The following CAMK1D variants were observed in gnomAD, a reference collection of about 807,000 sequenced individuals.
CAMK1D encodes calcium/calmodulin dependent protein kinase ID.
CAMK1D carries 9 observed loss-of-function variants against 47.7 expected under a neutral mutation model. The observed-to-expected ratio is 0.19, with a 90% CI of 0.11 to 0.33. CAMK1D has a LOEUF of 0.33. Among genes scored for constraint, CAMK1D ranks in the 10% least tolerant of loss-of-function variants. The pLI, the probability that CAMK1D is intolerant of heterozygous loss-of-function variation, is 1.00. For missense variants in CAMK1D, 291 were observed against 488.7 expected (o/e 0.60, Z 3.81); for synonymous variants, 184 against 184.9 (o/e 0.99, Z 0.04).
intron 4 of CAMK1D, among the ~76,000 whole-genome samples, chr10:12,766,439 A>G (rs1478207113): frequency 6.8e-6 from 1 of 146,472 alleles, no homozygotes; most frequent in African/African-American, 2.6e-5. Context: ...CGTGGCTGAC[A>G]AAGAAAAGGG....
chr10:12,630,652 C>T (rs1839353934), intron 2 of CAMK1D, among the ~76,000 whole-genome samples: 1 of 152,098 alleles, frequency 6.6e-6, no homozygotes, highest in Admixed American at 6.6e-5. Flanking sequence ...TTCCTGGCCT[C>T]AAGTGATCCT....
At chr10:12,472,092 T>G (rs998271026) in intron 1 of CAMK1D, among the ~76,000 whole-genome samples, 7 of 152,102 alleles carry the variant, frequency 4.6e-5, no homozygotes, top group Non-Finnish European at 8.8e-5. Flanking sequence ...GTCTCTGAGT[T>G]TGACTTGATT....
chr10:12,740,197 G>C (rs1835369389), intron 3 of CAMK1D, among the ~76,000 whole-genome samples: 1 of 152,162 alleles, frequency 6.6e-6, no homozygotes, highest in South Asian at 2.1e-4. Flanking sequence ...GTAGCTGCGT[G>C]GAAAGGCACC....
chr10:12,447,574 C>T (rs1424117819), intron 1 of CAMK1D, among the ~76,000 whole-genome samples: 1 of 152,156 alleles, frequency 6.6e-6, no homozygotes, highest in Non-Finnish European at 1.5e-5. Context: ...TAGTTGTGTG[C>T]ACCTGGGGTC....
intron 1 of CAMK1D, among the ~76,000 whole-genome samples, chr10:12,379,454 AAAATCC>A (rs1418693270): frequency 6.6e-6 from 1 of 152,164 alleles, no homozygotes; most frequent in Admixed American, 6.5e-5. Flanking sequence ...AATGTTAGCT[AAAATCC>A]CTTAATTTGG....
intron 1 of CAMK1D, among the ~76,000 whole-genome samples, chr10:12,458,479 C>T (rs2724794): frequency 0.045 from 6,768 of 151,502 alleles, 519 homozygotes; most frequent in African/African-American, 0.16. Flanking sequence ...TGCAGTAGCA[C>T]GATCATAGCT....
rs181356781 is a variant in CAMK1D at position 12,667,849 on chromosome 10, G to A, written c.299+1039G>A. ...GTTAGGATGCAAATAAGTGTTCATC[G>A]GTGCATTTAGTTAACCTTTCATGAT... On this transcript the variant is annotated intron_variant, in intron 3 of 10. Coordinates refer to ENST00000619168, the MANE Select transcript of CAMK1D (RefSeq NM_153498.4). Among the ~76,000 whole-genome samples the A allele has an allele frequency of 1.6e-3, 236 of 152,140 alleles. 2 individuals carry two copies. The highest frequency in any genetic ancestry group is 5.4e-3 in the African/African-American group (222 of 41,490).
intron 3 of CAMK1D, among the ~76,000 whole-genome samples, chr10:12,708,390 C>T (rs1247219850): frequency 6.6e-6 from 1 of 152,192 alleles, no homozygotes; most frequent in Non-Finnish European, 1.5e-5. Flanking sequence ...CTGATGGGCA[C>T]AGAAGCAGAG....
At chr10:12,800,476 G>A (rs1325366734) in intron 6 of CAMK1D, among the ~76,000 whole-genome samples, 1 of 152,190 alleles carries the variant, frequency 6.6e-6, no homozygotes. Context: ...CAAGGCAGAG[G>A]ACAAACAGTG....
At chr10:12,356,622 C>T (rs990957088) in intron 1 of CAMK1D, among the ~76,000 whole-genome samples, 4 of 150,452 alleles carry the variant, frequency 2.7e-5, no homozygotes, top group Non-Finnish European at 5.9e-5. Flanking sequence ...CTCCGGAGGC[C>T]GAGGCAGGAG....
At chr10:12,717,891 C>CAAAA (rs1181845465) in intron 3 of CAMK1D, among the ~76,000 whole-genome samples, 13 of 52,908 alleles carry the variant, frequency 2.5e-4, no homozygotes, top group African/African-American at 9.1e-4. Flanking sequence ...GAGACCCTGT[C>CAAAA]AAAAAAAAAA....
chr10:12,360,432 C>G (rs147425538), intron 1 of CAMK1D, among the ~76,000 whole-genome samples: 7 of 152,152 alleles, frequency 4.6e-5, no homozygotes, highest in Non-Finnish European at 8.8e-5. Context: ...CAGGAGGTAT[C>G]GGAGTGACCA....
intron 1 of CAMK1D, among the ~76,000 whole-genome samples, chr10:12,434,827 G>A (rs570133796): frequency 4.6e-5 from 7 of 152,320 alleles, no homozygotes; most frequent in Admixed American, 1.3e-4. Flanking sequence ...CTTGAAGGAT[G>A]TGGGAATCAT....
intron 1 of CAMK1D, among the ~76,000 whole-genome samples, chr10:12,392,310 A>G (rs575223564): frequency 3.9e-4 from 59 of 152,134 alleles, no homozygotes; most frequent in Non-Finnish European, 7.9e-4. Flanking sequence ...TCAAAAAAAC[A>G]AAACAAAATC....
At chr10:12,413,943 T>G (rs531837152) in intron 1 of CAMK1D, among the ~76,000 whole-genome samples, 34 of 152,320 alleles carry the variant, frequency 2.2e-4, no homozygotes, top group African/African-American at 7.9e-4. Context: ...TTTTTCACCT[T>G]AAAATGAGGG....
chr10:12,492,347 CA>C (rs71384332), intron 1 of CAMK1D, among the ~76,000 whole-genome samples: 54,033 of 110,258 alleles, frequency 0.49, 11,161 homozygotes, highest in East Asian at 0.78. Context: ...CACCTCATCT[CA>C]AAAAAAAAAA....
intron 1 of CAMK1D, among the ~76,000 whole-genome samples, chr10:12,477,381 C>T (rs1373960352): frequency 6.6e-6 from 1 of 152,158 alleles, no homozygotes. Context: ...TGCCATTGCA[C>T]TCCAACCTGG....
At chr10:12,751,829 C>G (rs1287649066) in intron 3 of CAMK1D, among the ~76,000 whole-genome samples, 1 of 152,188 alleles carries the variant, frequency 6.6e-6, no homozygotes, top group Non-Finnish European at 1.5e-5. Flanking sequence ...GGCCATGCAC[C>G]TTTGTCAGGG....
rs1350600046 is a variant in CAMK1D at position 12,591,145 on chromosome 10, A to T, written c.224+37789A>T. On this transcript the variant is annotated intron_variant, in intron 2 of 10. Coordinates refer to ENST00000619168, the MANE Select transcript of CAMK1D (RefSeq NM_153498.4). ...ACAGTCTGTTCTCCCCGTGTTAGAC[A>T]CAGAGGGGTCAGGGACAGAGATTGA... Among the ~76,000 whole-genome samples, 7 of 152,322 alleles carry T rather than the reference A, an allele frequency of 4.6e-5. No homozygotes were observed. In the East Asian group the frequency reaches 1.3e-3, roughly 29 times the overall value.
Sources: allele counts gnomAD v4.1 joint callset (sites outside exome capture counted in the v4.1 genomes callset), GRCh38; gene constraint gnomAD v4.1.1; transcripts MANE v1.5; gene names NCBI Gene and HGNC (gene_info 2026-07-23, HGNC 2026-07-21).